Variants in MAP4 observed in about 807,000 individuals in gnomAD.
MAP4 encodes microtubule associated protein 4.
A neutral mutation model predicts 170.2 loss-of-function variants in MAP4; 76 were observed. The ratio of observed to expected loss-of-function variants is 0.45; its 90% CI spans 0.37 to 0.54. The LOEUF is 0.54. Among genes scored for constraint, MAP4 ranks in the 20% least tolerant of loss-of-function variants. The probability of loss-of-function intolerance (pLI) is 0.00; values close to 1 mark genes in which losing one functional copy is unlikely to be tolerated. For missense variants in MAP4, 2,506 were observed against 2,748.0 expected (o/e 0.91, Z 1.97); for synonymous variants, 909 against 994.5 (o/e 0.91, Z 1.62).
At chr3:47,948,920 C>A (rs999799353) in intron 3 of MAP4, among the ~76,000 whole-genome samples, 1 of 152,090 alleles carries the variant, frequency 6.6e-6, no homozygotes, top group South Asian at 2.1e-4. Flanking sequence ...TGCGCCCGGC[C>A]GATCAATTTT....
chr3:47,879,165 T>C (rs2096160137), intron 10 of MAP4, among the ~76,000 whole-genome samples: 2 of 152,044 alleles, frequency 1.3e-5, no homozygotes. Flanking sequence ...GAAATATCAA[T>C]GTAATCTCTG....
At chr3:47,891,712 C>T in intron 10 of MAP4, 1 of 1,536,614 alleles carries the variant, frequency 6.5e-7, no homozygotes, top group Non-Finnish European at 8.7e-7. Context: ...TCAAATGTTC[C>T]TGGGTGAACA....
chr3:47,886,345 GGCTGGA>G (rs1275601071), intron 10 of MAP4, among the ~76,000 whole-genome samples: 1 of 152,128 alleles, frequency 6.6e-6, no homozygotes, highest in Non-Finnish European at 1.5e-5. Context: ...CTATCTCCCA[GGCTGGA>G]GCACAGTGGC....
At position 48,049,831 on chromosome 3, in the gene MAP4, G is replaced by A. The variant is rs556683289; in HGVS notation, c.-20+38942C>T. Among the ~76,000 whole-genome samples, 14 of 151,604 alleles carry A rather than the reference G, an allele frequency of 9.2e-5. No individual in the cohort carries two copies. In the South Asian group the frequency reaches 2.3e-3, roughly 25 times the overall value. ...CGCGTGCCTGTAGTCCCAGCTACTC[G>A]GGAGGCTGAGGTAGTAGAATTGCTT... On this transcript the variant is annotated intron_variant, in intron 1 of 18. Transcript: ENST00000360240.
rs1301944927 is a variant in MAP4, at chr3:48,002,979, A to T, written c.-19-4100T>A. ...AAAATAAATAAATAAATAAATAAAT[A>T]AATAAATAAATAAATTTAATTCCAT... is the stretch of plus-strand genomic sequence containing the variant. On this transcript the variant is annotated intron_variant, in intron 1 of 20. Transcript: ENST00000683076. Among the ~76,000 whole-genome samples, 505 of 150,932 alleles carry T rather than the reference A, an allele frequency of 3.3e-3. 3 individuals are homozygous for T. Among genetic ancestry groups the T allele is most frequent in the African/African-American group, 0.011 (472 of 41,204 alleles).
In MAP4 at chr3:47,910,349, T is replaced by A; in HGVS notation, c.4072A>T (p.Lys1358Ter). 6.5e-7 allele frequency: 1 copy of A among 1,540,122 alleles called. No individual in the cohort carries two copies. The highest frequency in any genetic ancestry group is 8.7e-7 in the Non-Finnish European group (1 of 1,148,072). ...AANRYTAVAD[K>*]PSKRSNDGKS... ...CCATCATTACTCCTTTTACTTGGTTTGTCAGCCACTGCAGTGTATCTATTG... is the reference window on the plus strand; with the variant it reads ...CCATCATTACTCCTTTTACTTGGTTAGTCAGCCACTGCAGTGTATCTATTG... The change falls in exon 9 of 21, where the codon AAA becomes TAA. Residue 1358 changes from lysine (K) to a stop codon, truncating the protein, a stop_gained. Transcript: ENST00000683076. LOFTEE classifies it high-confidence loss of function.
At chr3:48,021,034 G>T (rs956380634), upstream of MAP4, among the ~76,000 whole-genome samples, 1 of 152,136 alleles carries the variant, frequency 6.6e-6, no homozygotes, top group Non-Finnish European at 1.5e-5. Flanking sequence ...AGTTGAGTCC[G>T]AGAGGCACCC....
At chr3:47,966,035 T>A (rs941800186) in intron 3 of MAP4, among the ~76,000 whole-genome samples, 5 of 151,986 alleles carry the variant, frequency 3.3e-5, no homozygotes, top group Admixed American at 1.3e-4. Flanking sequence ...TGATCCATTT[T>A]AAGTTAATTT....
chr3:48,057,630 T>TAAATAAAAAAGAA (rs1553745991), intron 1 of MAP4, among the ~76,000 whole-genome samples: 1 of 105,428 alleles, frequency 9.5e-6, no homozygotes, highest in Non-Finnish European at 2.0e-5. Context: ...AATAAATAAA[T>TAAATAAAAAAGAA]AAAAAAGAAA....
At chr3:47,863,725 C>A (rs939336199) in intron 17 of MAP4, among the ~76,000 whole-genome samples, 1 of 152,016 alleles carries the variant, frequency 6.6e-6, no homozygotes, top group Non-Finnish European at 1.5e-5. Flanking sequence ...CTGGGACCAG[C>A]CACAGAAGAA....
chr3:48,037,764 C>CATA (rs1302744044), intron 1 of MAP4, among the ~76,000 whole-genome samples: 5 of 152,204 alleles, frequency 3.3e-5, no homozygotes, highest in South Asian at 2.1e-4. Context: ...TTCAGGAGCA[C>CATA]TCTATATGAT....
chr3:48,075,949 T>A (rs1379883788), intron 1 of MAP4, among the ~76,000 whole-genome samples: 1 of 130,374 alleles, frequency 7.7e-6, no homozygotes, highest in Non-Finnish European at 1.6e-5. Context: ...CACTTCAGCC[T>A]GGGCGACAGA....
chr3:47,856,352 A>T (rs1339686919), intron 18 of MAP4, among the ~76,000 whole-genome samples: 4 of 152,226 alleles, frequency 2.6e-5, no homozygotes, highest in African/African-American at 9.6e-5. Context: ...TTCCCAGATA[A>T]AAGGGGAAAA....
intron 9 of MAP4, among the ~76,000 whole-genome samples, chr3:47,904,093 G>A (rs936324664): frequency 6.6e-5 from 10 of 152,110 alleles, no homozygotes; most frequent in African/African-American, 2.4e-4. Context: ...AGCTTCTGAA[G>A]CAAGTCTAAG....
At chr3:47,890,731 G>T (rs937114405) in intron 10 of MAP4, among the ~76,000 whole-genome samples, 1 of 151,996 alleles carries the variant, frequency 6.6e-6, no homozygotes, top group African/African-American at 2.4e-5. Context: ...CAAGAAAGGG[G>T]GTCTAGTTTT....
rs2230169 is a variant in MAP4 at position 47,916,506 on chromosome 3, C to G, written c.1321G>C (p.Glu441Gln). Reference protein sequence around the residue: ...SSAEKVALSSETEVALARDMT... With the variant: ...SSAEKVALSSQTEVALARDMT... ...TCCCTGGCCAGGGCTACCTCTGTTT[C>G]TGAGGACAAAGCCACCTTCTCAGCA... Residue 441 changes from glutamate to glutamine, a missense_variant, in exon 7 of 21, where the codon GAA (glutamate) becomes CAA (glutamine). By Grantham distance (29) the Glu-to-Gln change is conservative (BLOSUM62 2). Transcript: ENST00000683076. The G allele has an allele frequency of 0.062, 99,813 of 1,614,208 alleles. 3,486 individuals are homozygous for G. Among genetic ancestry groups the G allele is most frequent in the Non-Finnish European group, 0.072 (85,232 of 1,180,026 alleles).
At chr3:48,054,253 G>A (rs1037473084) in intron 1 of MAP4, among the ~76,000 whole-genome samples, 11 of 149,656 alleles carry the variant, frequency 7.4e-5, no homozygotes, top group Admixed American at 1.3e-4. Context: ...AGCCGAGATC[G>A]CGCCATTGCA....
chr3:47,911,864 T>C lies in MAP4; in HGVS notation c.2557A>G (p.Ser853Gly), dbSNP rs1392538705. 6.5e-7 allele frequency: 1 copy of C among 1,536,118 alleles called. No homozygotes were observed. Among genetic ancestry groups the C allele is most frequent in the Non-Finnish European group, 8.7e-7 (1 of 1,146,880 alleles). Residue 853 changes from serine (S) to glycine (G), a missense_variant, in exon 9 of 21, where the codon AGT becomes GGT. Physicochemically the swap from Ser to Gly is moderately conservative, Grantham distance 56. This residue lies in a region of MAP4 where 2,008 missense variants were observed against 2,206.0 expected (regional missense o/e 0.91). Transcript: ENST00000683076. This position sits in a 1 kb window ranked among gnomAD's most constrained non-coding sequence, Gnocchi z 4.0. ...GAAGGATATAAAGGAATTCTGAGAC[T>C]CTCTGAGACAAAGTTCTCAGCTACC... ...RLVAENFVSE[S>G]LRIPLYPSEE... is the part of the protein sequence containing the mutation.
chr3:48,057,090 C>G (rs2100132492), intron 1 of MAP4, among the ~76,000 whole-genome samples: 2 of 149,990 alleles, frequency 1.3e-5, no homozygotes, highest in African/African-American at 2.5e-5. Context: ...TGCCCGGCCA[C>G]CACCCCGTCT....
Sources: allele counts gnomAD v4.1 joint callset (sites outside exome capture counted in the v4.1 genomes callset), GRCh38; gene constraint gnomAD v4.1.1; regional missense constraint gnomAD v4.1.1; non-coding constraint Gnocchi (gnomAD v3.1); transcripts MANE v1.5; gene names NCBI Gene and HGNC (gene_info 2026-07-23, HGNC 2026-07-21).